The following HIVEP3 variants were observed in gnomAD, a reference collection of about 807,000 sequenced individuals.
The protein encoded by HIVEP3 is transcription factor HIVEP3.
Under a neutral mutation model 152.8 loss-of-function variants are expected in HIVEP3, and 49 were observed. The ratio of observed to expected loss-of-function variants is 0.32; its 90% CI spans 0.26 to 0.41. The LOEUF is 0.41. Ranked by LOEUF, HIVEP3 falls within the 10% of genes least tolerant of loss-of-function variation. The pLI is 1.00. For synonymous variants in HIVEP3, 1,269 were observed against 1,289.0 expected (o/e 0.98, Z 0.33); for missense variants, 2,790 against 3,103.3 (o/e 0.90, Z 2.40).
At chr1:41,690,657 C>T (rs939152990) in intron 2 of HIVEP3, among the ~76,000 whole-genome samples, 24 of 152,190 alleles carry the variant, frequency 1.6e-4, no homozygotes, top group African/African-American at 5.8e-4. Flanking sequence ...GTGGCTTACA[C>T]CTGTAATCCC....
At chr1:41,562,645 C>T (rs1226669297) in intron 5 of HIVEP3, among the ~76,000 whole-genome samples, 2 of 140,210 alleles carry the variant, frequency 1.4e-5, no homozygotes, top group Admixed American at 7.2e-5. Flanking sequence ...CTCTCTCTCT[C>T]TTTCTTTCTT....
chr1:41,727,578 G>A (rs1415629760), intron 1 of HIVEP3, among the ~76,000 whole-genome samples: 1 of 152,260 alleles, frequency 6.6e-6, no homozygotes, highest in Non-Finnish European at 1.5e-5. Context: ...AGTGTCCAGA[G>A]GAAGTGGCTG....
intron 1 of HIVEP3, among the ~76,000 whole-genome samples, chr1:41,846,637 A>T (rs1271306875): frequency 2.0e-5 from 3 of 152,194 alleles, no homozygotes; most frequent in Non-Finnish European, 4.4e-5. Flanking sequence ...AGATTTTTCC[A>T]AGTTTTCTGC....
chr1:41,991,576 G>T (rs1254891836), intron 1 of HIVEP3, among the ~76,000 whole-genome samples: 2 of 147,988 alleles, frequency 1.4e-5, no homozygotes, highest in African/African-American at 2.5e-5. Context: ...GGTACAAGGA[G>T]GAACTGGTAC....
chr1:41,846,702 T>C (rs773191170), intron 1 of HIVEP3, among the ~76,000 whole-genome samples: 9 of 152,272 alleles, frequency 5.9e-5, no homozygotes, highest in Non-Finnish European at 1.2e-4. Context: ...GTGAAGTAAA[T>C]GTGTGTGATG....
At chr1:42,032,591 C>T (rs978820726) in intron 1 of HIVEP3, among the ~76,000 whole-genome samples, 3 of 152,204 alleles carry the variant, frequency 2.0e-5, no homozygotes, top group Non-Finnish European at 2.9e-5. Flanking sequence ...CTCTCCACCC[C>T]ACTGGATTTC....
intron 1 of HIVEP3, among the ~76,000 whole-genome samples, chr1:41,793,282 G>A (rs139121889): frequency 0.015 from 2,236 of 152,324 alleles, 23 homozygotes; most frequent in Non-Finnish European, 0.019. Context: ...TGTCTCATCA[G>A]GGATGCTCTC....
chr1:41,734,329 A>C (rs181844551), intron 1 of HIVEP3, among the ~76,000 whole-genome samples: 12 of 152,354 alleles, frequency 7.9e-5, no homozygotes, highest in African/African-American at 2.4e-4. Flanking sequence ...CCTTCTGCAC[A>C]GGTTAACTAA....
At chr1:41,557,013 C>T (rs758476617) in intron 5 of HIVEP3, among the ~76,000 whole-genome samples, 28 of 152,174 alleles carry the variant, frequency 1.8e-4, no homozygotes, top group Non-Finnish European at 2.6e-4. Context: ...GTCAGTACCA[C>T]ACTGTTTCAA....
Position 41,527,312 on chromosome 1 carries a change from AC to A in HIVEP3, c.5208-2403del, listed in dbSNP as rs566948352. ...ATACACCCTCACACCCTCACACTTC[AC>A]ACCCCTGCACTCACACACACATCCC... On this transcript the variant is annotated intron_variant, in intron 5 of 8. Coordinates refer to ENST00000372583, the MANE Select transcript of HIVEP3 (RefSeq NM_024503.5). Among the ~76,000 whole-genome samples, 30 of 35,150 alleles carry A rather than the reference AC, an allele frequency of 8.5e-4. 1 individual carries two copies. Among genetic ancestry groups the A allele is most frequent in the Non-Finnish European group, 1.8e-3 (28 of 15,440 alleles). The allele number at this position is 35,150 out of a possible 152,430, so 23.1% of individuals were successfully genotyped here. A position where few individuals can be genotyped will look rare whatever the true frequency, so the allele number is the denominator to read the frequency against.
chr1:41,580,918 C>G lies in HIVEP3; in HGVS notation c.3880G>C (p.Ala1294Pro). 1 of 1,612,622 alleles carries G rather than the reference C, an allele frequency of 6.2e-7. No individual in the cohort carries two copies. The highest frequency in any genetic ancestry group is 8.5e-7 in the Non-Finnish European group (1 of 1,179,414). ...GCTGATGTAGGTGCTGAGGAGCTGG[C>G]TGGGGGAGCCACAGGGGGTAGCCGG... The part of the protein sequence containing the change: ...DIRLPPVAPP[A>P]SSSAPTSAPP... The change falls in exon 4 of 9, where the codon GCC becomes CCC. Residue 1294 changes from alanine (A) to proline (P), a missense_variant. Transcript: ENST00000372583.
chr1:41,675,339 C>T (rs2124078779), intron 2 of HIVEP3, among the ~76,000 whole-genome samples: 1 of 152,216 alleles, frequency 6.6e-6, no homozygotes, highest in South Asian at 2.1e-4. Flanking sequence ...GTGCCTGGGA[C>T]ACTCTGCTCG....
chr1:41,855,046 G>A (rs1407979902), intron 1 of HIVEP3, among the ~76,000 whole-genome samples: 1 of 114,070 alleles, frequency 8.8e-6, no homozygotes, highest in Non-Finnish European at 1.8e-5. Flanking sequence ...ACCCAGTAAT[G>A]GGATGGCTGG....
At chr1:41,954,886 A>G (rs1570841533) in intron 1 of HIVEP3, among the ~76,000 whole-genome samples, 2 of 152,150 alleles carry the variant, frequency 1.3e-5, no homozygotes, top group Admixed American at 1.3e-4. Flanking sequence ...ATGGTTCCAC[A>G]AGCTTGGGAC....
intron 5 of HIVEP3, among the ~76,000 whole-genome samples, chr1:41,554,718 T>C (rs1643938870): frequency 6.6e-6 from 1 of 152,344 alleles, no homozygotes; most frequent in African/African-American, 2.4e-5. Flanking sequence ...TCCTTTCTGT[T>C]TGTTAGTTTT....
intron 1 of HIVEP3, among the ~76,000 whole-genome samples, chr1:41,866,646 C>G (rs977730373): frequency 6.6e-6 from 1 of 152,222 alleles, no homozygotes; most frequent in African/African-American, 2.4e-5. Flanking sequence ...CCCCAGCTAC[C>G]TCCTCCTCTT....
At chr1:42,020,590 C>T (rs1474332126) in intron 1 of HIVEP3, among the ~76,000 whole-genome samples, 1 of 152,218 alleles carries the variant, frequency 6.6e-6, no homozygotes, top group East Asian at 1.9e-4. Context: ...AAATCTCTTA[C>T]AAAATGATAT....
chr1:41,917,001 C>T (rs1366497531), intron 1 of HIVEP3, among the ~76,000 whole-genome samples: 1 of 152,188 alleles, frequency 6.6e-6, no homozygotes, highest in Admixed American at 6.5e-5. Context: ...TGACCCAGAG[C>T]TAATACCACA....
At chr1:41,645,946 C>T (rs770686587) in intron 2 of HIVEP3, among the ~76,000 whole-genome samples, 1 of 152,142 alleles carries the variant, frequency 6.6e-6, no homozygotes, top group Non-Finnish European at 1.5e-5. Context: ...TGCACGACCC[C>T]GAGGAAAAGC....
Sources: gnomAD v4.1 joint callset for allele counts (sites outside exome capture counted in the v4.1 genomes callset) on GRCh38, gnomAD v4.1.1 for gene constraint, MANE v1.5 for transcripts, NCBI Gene and HGNC (gene_info 2026-07-23, HGNC 2026-07-21) for gene names.